The following CSTA variants were observed in gnomAD, a reference collection of about 807,000 sequenced individuals.
CSTA encodes the protein cystatin-A.
Under a neutral mutation model 9.2 loss-of-function variants are expected in CSTA, and 9 were observed. That is an observed-to-expected ratio of 0.97 (90% CI 0.59 to 1.70). CSTA has a LOEUF of 1.70. Among genes scored for constraint, CSTA ranks in the 40% most tolerant of loss-of-function variants. The pLI, the probability that CSTA is intolerant of heterozygous loss-of-function variation, is 0.00. For missense variants in CSTA, 118 were observed against 113.1 expected, an observed-to-expected ratio of 1.04 and a Z score of -0.20; for synonymous variants, 36 against 40.6, an observed-to-expected ratio of 0.89 and a Z score of 0.43.
At chr3:122,336,336 T>C (rs1249149229) in intron 1 of CSTA, among the ~76,000 whole-genome samples, 2 of 152,158 alleles carry the variant, frequency 1.3e-5, no homozygotes. Flanking sequence ...TATAAAATGA[T>C]GGAGGCATGT....
chr3:122,329,446 G>T (rs1046042900), intron 1 of CSTA, among the ~76,000 whole-genome samples: 2 of 152,078 alleles, frequency 1.3e-5, no homozygotes, highest in African/African-American at 4.8e-5. Flanking sequence ...CACGCCTGTA[G>T]TCCCAGCTAC....
chr3:122,330,648 C>T (rs1037709724), intron 1 of CSTA, among the ~76,000 whole-genome samples: 6 of 152,188 alleles, frequency 3.9e-5, no homozygotes, highest in African/African-American at 1.4e-4. Flanking sequence ...TTCCAAGATT[C>T]TCCGTATTAG....
At position 122,341,499 on chromosome 3, in the gene CSTA, A is replaced by G; in HGVS notation, c.229A>G (p.Asn77Asp). 1.9e-6 allele frequency: 3 copies of G among 1,614,112 alleles called. No homozygotes were observed. The highest frequency in any genetic ancestry group is 2.2e-5 in the South Asian group (2 of 91,078). ...LKVFKSLPGQ[N>D]EDLVLTGYQV... ...AGTATTCAAAAGTCTTCCCGGACAA[A>G]ATGAGGACTTGGTACTTACTGGATA... The change falls in exon 3 of 3, where the codon AAT becomes GAT. Residue 77 changes from asparagine (N) to aspartate (D), a missense_variant. Physicochemically the swap from Asn to Asp is conservative, Grantham distance 23. Transcript: ENST00000264474.
At chr3:122,334,448 G>C (rs1055153310) in intron 1 of CSTA, among the ~76,000 whole-genome samples, 1 of 152,080 alleles carries the variant, frequency 6.6e-6, no homozygotes, top group African/African-American at 2.4e-5. Context: ...CTGCACTCCA[G>C]CCTGGGTGAG....
chr3:122,336,789 A>T (rs542257030), intron 1 of CSTA, among the ~76,000 whole-genome samples: 1 of 152,348 alleles, frequency 6.6e-6, no homozygotes, highest in East Asian at 1.9e-4. Context: ...TCCTGATAGG[A>T]TGCACTTAAG....
chr3:122,327,109 G>A (rs562297410), intron 1 of CSTA, among the ~76,000 whole-genome samples: 2 of 152,066 alleles, frequency 1.3e-5, no homozygotes, highest in South Asian at 2.1e-4. Context: ...ATGGTGGTGG[G>A]TGCCTGTAAT....
intron 2 of CSTA, 130 bp from the exon 3 acceptor site, chr3:122,341,309 C>A: frequency 1.1e-6 from 1 of 886,726 alleles, no homozygotes; most frequent in South Asian, 1.4e-5. Flanking sequence ...GAATGGTGGA[C>A]TAGGTCTAGC....
chr3:122,341,621 C>T lies in CSTA; in HGVS notation c.*54C>T. ...TTCAACTGGCTACTGAGTCATGATC[C>T]TTGCTGATAAATATAACCATCAATA... On this transcript the variant is annotated 3_prime_UTR_variant, in exon 3 of 3. Coordinates refer to ENST00000264474, the MANE Select transcript of CSTA (RefSeq NM_005213.4). 1 of 1,603,754 alleles carries T rather than the reference C, an allele frequency of 6.2e-7. No homozygotes were observed. The highest frequency in any genetic ancestry group is 1.1e-5 in the South Asian group (1 of 90,406).
At chr3:122,325,439 C>A in intron 1 of CSTA, 81 bp downstream of exon 1, 2 of 1,330,604 alleles carry the variant, frequency 1.5e-6, no homozygotes, top group Non-Finnish European at 1.1e-6. Flanking sequence ...TGTGGTTGAA[C>A]ATGAAAACCA....
At chr3:122,333,240 G>T (rs945443856) in intron 1 of CSTA, among the ~76,000 whole-genome samples, 1 of 152,180 alleles carries the variant, frequency 6.6e-6, no homozygotes, top group Non-Finnish European at 1.5e-5. Flanking sequence ...GCCAGGCATG[G>T]GGGCTCACCC....
At chr3:122,334,653 C>A (rs1024935032) in intron 1 of CSTA, among the ~76,000 whole-genome samples, 5 of 152,124 alleles carry the variant, frequency 3.3e-5, no homozygotes, top group African/African-American at 9.7e-5. Flanking sequence ...AGAGTTATAT[C>A]CTTTTTCCTC....
intron 1 of CSTA, among the ~76,000 whole-genome samples, chr3:122,326,545 A>G (rs1238645801): frequency 6.6e-6 from 1 of 152,228 alleles, no homozygotes; most frequent in Non-Finnish European, 1.5e-5. Flanking sequence ...TGATTATAAG[A>G]GTTGGGATCC....
At chr3:122,333,574 A>AGAAAGAAAGAAG (rs1173908590) in intron 1 of CSTA, among the ~76,000 whole-genome samples, 1 of 147,644 alleles carries the variant, frequency 6.8e-6, no homozygotes, top group African/African-American at 2.6e-5. Flanking sequence ...AAAGAAAGAA[A>AGAAAGAAAGAAG]GAAAGAAAGA....
intron 2 of CSTA, among the ~76,000 whole-genome samples, chr3:122,338,619 C>T (rs922156845): frequency 1.4e-4 from 22 of 152,004 alleles, no homozygotes; most frequent in African/African-American, 3.9e-4. Flanking sequence ...CTCCTAGTAA[C>T]GACCAGGTCC....
At chr3:122,326,750 C>A (rs1484103984) in intron 1 of CSTA, among the ~76,000 whole-genome samples, 1 of 152,198 alleles carries the variant, frequency 6.6e-6, no homozygotes, top group Non-Finnish European at 1.5e-5. Context: ...TGTTCTCAAA[C>A]TTGAATGTGC....
At chr3:122,340,885 T>TA (rs932511847) in intron 2 of CSTA, among the ~76,000 whole-genome samples, 5 of 151,052 alleles carry the variant, frequency 3.3e-5, no homozygotes, top group Non-Finnish European at 7.4e-5. Context: ...CAGATTATAC[T>TA]AAAAAAAATA....
chr3:122,337,214 AAAT>A (rs762696313), intron 1 of CSTA, among the ~76,000 whole-genome samples: 2 of 152,202 alleles, frequency 1.3e-5, no homozygotes, highest in African/African-American at 4.8e-5. Context: ...AATCATTTTA[AAAT>A]AATGTTTTAA....
At chr3:122,331,462 G>A (rs2075204490) in intron 1 of CSTA, among the ~76,000 whole-genome samples, 1 of 152,050 alleles carries the variant, frequency 6.6e-6, no homozygotes, top group African/African-American at 2.4e-5. Flanking sequence ...CATCCAGCCT[G>A]GACCCCATGA....
intron 2 of CSTA, among the ~76,000 whole-genome samples, chr3:122,340,337 C>G (rs1215091118): frequency 6.6e-6 from 1 of 151,950 alleles, no homozygotes; most frequent in Non-Finnish European, 1.5e-5. Flanking sequence ...CGGAGTTTCA[C>G]TCTGTCACTC....
Sources: gnomAD v4.1 joint callset for allele counts (sites outside exome capture counted in the v4.1 genomes callset) on GRCh38, gnomAD v4.1.1 for gene constraint, MANE v1.5 for transcripts, NCBI Gene and HGNC (gene_info 2026-07-23, HGNC 2026-07-21) for gene names.